The following LRCH4 variants were observed in gnomAD, a reference collection of about 807,000 sequenced individuals.
LRCH4 encodes the protein leucine-rich repeat and calponin homology domain-containing protein 4.
LRCH4 carries 56 observed loss-of-function variants against 81.2 expected under a neutral mutation model. The ratio of observed to expected loss-of-function variants is 0.69; its 90% CI spans 0.56 to 0.86. The LOEUF is 0.86. Among genes scored for constraint, LRCH4 ranks in the 40% least tolerant of loss-of-function variants. LRCH4 has a pLI of 0.00. For missense variants in LRCH4, 895 were observed against 922.8 expected, an observed-to-expected ratio of 0.97 and a Z score of 0.39; for synonymous variants, 442 against 409.7, an observed-to-expected ratio of 1.08 and a Z score of -0.95.
At position 100,575,391 on chromosome 7, in the gene LRCH4, G is replaced by T. The variant is rs759894520; in HGVS notation, c.1855-87C>A. The T allele has an allele frequency of 1.6e-6, 2 of 1,272,444 alleles. No homozygotes were observed. The highest frequency in any genetic ancestry group is 2.2e-6 in the Non-Finnish European group (2 of 916,900). 78.8% of individuals were successfully genotyped at this position (1,272,444 alleles called of 1,614,324 possible). A position where few individuals can be genotyped will look rare whatever the true frequency, so the allele number is the denominator to read the frequency against. ...CAGTCCCTCCCACCCCTGCCCTCAC[G>T]TGCTGGGGCCAGAACCACGCCCACA... is the stretch of plus-strand genomic sequence containing the variant. On this transcript the variant is annotated intron_variant, in intron 17 of 17. Coordinates refer to ENST00000310300, the MANE Select transcript of LRCH4 (RefSeq NM_002319.5). The surrounding 1 kb of genome is among the most constrained non-coding windows in gnomAD (Gnocchi z 5.3).
Position 100,575,363 on chromosome 7 carries a change from G to A in LRCH4, c.1855-59C>T, listed in dbSNP as rs1444845234. On this transcript the variant is annotated intron_variant, in intron 17 of 17. Transcript: ENST00000310300. The surrounding 1 kb of genome is among the most constrained non-coding windows in gnomAD (Gnocchi z 5.3). ...GGGACAGACGTCAGCAGCAGCAGCAGGACAGTCCCTCCCACCCCTGCCCTC... is the reference window on the plus strand; with the variant it reads ...GGGACAGACGTCAGCAGCAGCAGCAAGACAGTCCCTCCCACCCCTGCCCTC... 5.6e-6 allele frequency: 8 copies of A among 1,425,062 alleles called. No individual in the cohort carries two copies. Among genetic ancestry groups the A allele is most frequent in the Non-Finnish European group, 6.6e-6 (7 of 1,052,732 alleles). The allele number at this position is 1,425,062 out of a possible 1,614,324, so 88.3% of individuals were successfully genotyped here.
intron 4 of LRCH4, 153 bp downstream of exon 4, chr7:100,581,624 G>T: frequency 1.6e-6 from 1 of 640,434 alleles, no homozygotes; most frequent in Non-Finnish European, 2.7e-6. Context: ...GACCATGGAA[G>T]CACCCAGATC....
chr7:100,574,209 CG>C lies in LRCH4; in HGVS notation c.*897del. 1 of 172,634 alleles carries C rather than the reference CG, an allele frequency of 5.8e-6. No individual in the cohort carries two copies. The highest frequency in any genetic ancestry group is 1.3e-5 in the Non-Finnish European group (1 of 77,266). The allele number at this position is 172,634 out of a possible 1,614,324, so 10.7% of individuals were successfully genotyped here. ...GGAGCCCAGGCGCGTCTTCTGCTCC[CG>C]GGGTCCCGGGCGGGGTGGGCCCTGT... On this transcript the variant is annotated 3_prime_UTR_variant, in exon 18 of 18. Coordinates refer to ENST00000310300, the MANE Select transcript of LRCH4 (RefSeq NM_002319.5).
At chr7:100,580,404 T>TCACA (rs60848197) in intron 4 of LRCH4, 15,304 of 137,690 alleles carry the variant, frequency 0.11, 901 homozygotes, top group Non-Finnish European at 0.14. Context: ...CATACACACA[T>TCACA]CACACACACA....
chr7:100,581,976 C>T (rs1801573547), intron 3 of LRCH4, 65 bp downstream of exon 3: 2 of 1,603,950 alleles, frequency 1.2e-6, no homozygotes, highest in South Asian at 2.2e-5. Context: ...CCTCCCCAAC[C>T]TCCCCCTAGA....
intron 4 of LRCH4, chr7:100,579,234 G>C (rs1456064844): frequency 5.2e-6 from 1 of 192,388 alleles, no homozygotes; most frequent in African/African-American, 2.4e-5. Context: ...CCCCAGCACG[G>C]GCCCAGCACT....
chr7:100,576,256 T>G lies in LRCH4; in HGVS notation c.1620A>C (p.Leu540Phe). 6.2e-7 allele frequency: 1 copy of G among 1,614,060 alleles called. No homozygotes were observed. The highest frequency in any genetic ancestry group is 1.1e-5 in the South Asian group (1 of 91,072). ...TGCTCACCTGGCGCAGCTGAGTCAT[T>G]AAGTCCTTCTCATCTGGAACCTGGG... ...RYPQVPDEKD[L>F]MTQLRQVLES... Residue 540 changes from leucine to phenylalanine, a missense_variant, in exon 15 of 18, where the codon TTA becomes TTC. Leu to Phe is a conservative substitution (Grantham distance 22). Around this residue, in one of 3 missense-constraint regions of LRCH4, gnomAD observed 529 missense variants for 504.9 expected, o/e 1.05. Transcript: ENST00000310300.
chr7:100,576,977 CT>C lies in LRCH4; in HGVS notation c.1392del (p.Ala465GlnfsTer22), dbSNP rs1312003474. On this transcript the variant is annotated frameshift_variant, in exon 13 of 18. Coordinates refer to ENST00000310300, the MANE Select transcript of LRCH4 (RefSeq NM_002319.5). LOFTEE classifies it high-confidence loss of function. Reference sequence around the variant, plus strand: ...GCTCCCTGCCCCGCTGCAGCCCCTGCTTGGGAGGCACTGGACTTAGGCGAGC... The same window carrying C: ...GCTCCCTGCCCCGCTGCAGCCCCTGCTGGGAGGCACTGGACTTAGGCGAGC... ...HNGSPKSSAS[Q>X]AGAAAGQGAP... 6.2e-7 allele frequency: 1 copy of C among 1,603,782 alleles called. No homozygotes were observed. Among genetic ancestry groups the C allele is most frequent in the Non-Finnish European group, 8.5e-7 (1 of 1,172,944 alleles).
chr7:100,583,687 C>T lies in LRCH4; in HGVS notation c.221-1228G>A, dbSNP rs1484295689. Among the ~76,000 whole-genome samples, 3 of 152,222 alleles carry T rather than the reference C, an allele frequency of 2.0e-5. No individual in the cohort carries two copies. The highest frequency in any genetic ancestry group is 7.2e-5 in the African/African-American group (3 of 41,452). ...GCCTGATGCCCCGGGACCCCTTTCT[C>T]TTCCTCTCTGCCCAGCCCTGGTGCA... is the stretch of plus-strand genomic sequence containing the variant. On this transcript the variant is annotated intron_variant, in intron 1 of 17. Transcript: ENST00000310300. The surrounding 1 kb of genome is among the most constrained non-coding windows in gnomAD (Gnocchi z 4.3).
At position 100,577,486 on chromosome 7, in the gene LRCH4, G is replaced by T. The variant is rs1402887070; in HGVS notation, c.1178+11C>A. 7 of 1,607,748 alleles carry T rather than the reference G, an allele frequency of 4.4e-6. No individual in the cohort carries two copies. Among genetic ancestry groups the T allele is most frequent in the Non-Finnish European group, 5.1e-6 (6 of 1,179,934 alleles). On this transcript the variant is annotated intron_variant, in intron 10 of 17. Transcript: ENST00000310300. The surrounding 1 kb of genome is among the most constrained non-coding windows in gnomAD (Gnocchi z 6.7). Reference sequence around the variant, plus strand: ...ATCGGGCAGTGGCGTCAGTTTGGGGGCTTGGGGTACCTGCTGCTTGGTGCC... The same window carrying T: ...ATCGGGCAGTGGCGTCAGTTTGGGGTCTTGGGGTACCTGCTGCTTGGTGCC...
rs1291932195 is a variant in LRCH4, at chr7:100,578,346, G to T, written c.848+53C>A. 7 of 1,599,374 alleles carry T rather than the reference G, an allele frequency of 4.4e-6. No individual in the cohort carries two copies. In the Admixed American group the frequency reaches 1.0e-4, roughly 23 times the overall value. The stretch of plus-strand genomic sequence containing the variant: ...CAGAAAGCAGGGGGTGCCTGGGGCC[G>T]GGAAGGGGCATTCAGTATCCCAGGG... On this transcript the variant is annotated intron_variant, in intron 6 of 17. Transcript: ENST00000310300. The surrounding 1 kb of genome is among the most constrained non-coding windows in gnomAD (Gnocchi z 5.7).
chr7:100,582,321 T>C lies in LRCH4; in HGVS notation c.359A>G (p.Asn120Ser), dbSNP rs1314970598. ...LGNLTALTYL[N>S]LSRNQLSLLP... ...CCTGGCTCGGCCTCCCTACCTGAGG[T>C]TGAGGTAGGTGAGGGCTGTGAGATT... Residue 120 changes from asparagine to serine, a missense_variant, in exon 2 of 18, where the codon AAC becomes AGC. Physicochemically the swap from Asn to Ser is conservative, Grantham distance 46. Transcript: ENST00000310300. The surrounding 1 kb of genome is among the most constrained non-coding windows in gnomAD (Gnocchi z 5.0). The C allele has an allele frequency of 1.9e-6, 3 of 1,613,726 alleles. No individual in the cohort carries two copies. The highest frequency in any genetic ancestry group is 2.2e-5 in the East Asian group (1 of 44,864).
chr7:100,581,064 C>T (rs1173897287), intron 4 of LRCH4, among the ~76,000 whole-genome samples: 1 of 152,196 alleles, frequency 6.6e-6, no homozygotes, highest in Non-Finnish European at 1.5e-5. Context: ...GGAGGAGTGG[C>T]GGAGCATCCC....
rs748557159 is a variant in LRCH4, at chr7:100,576,314, G to A, written c.1562C>T (p.Ser521Leu). The A allele has an allele frequency of 1.9e-6, 3 of 1,613,786 alleles. No individual in the cohort carries two copies. Among genetic ancestry groups the A allele is most frequent in the Admixed American group, 1.7e-5 (1 of 59,990 alleles). ...CCGAGGTCTCAGGACAGAGTCTGGT[G>A]AGGAAGGGCCTAGGAGAAAAAGGGG... ...SSSQSGSGPS[S>L]PDSVLRPRRY... The change falls in exon 15 of 18, where the codon TCA (serine) becomes TTA (leucine). Residue 521 changes from serine (S) to leucine (L), a missense_variant. By Grantham distance (145) the Ser-to-Leu change is moderately radical. Coordinates refer to ENST00000310300, the MANE Select transcript of LRCH4 (RefSeq NM_002319.5).
At position 100,581,981 on chromosome 7, in the gene LRCH4, C is replaced by A. The variant is rs1801573691; in HGVS notation, c.492+60G>T. The A allele has an allele frequency of 3.1e-6, 5 of 1,602,148 alleles. No individual in the cohort carries two copies. The African/African-American group carries it at 4.0e-5, about 13-fold the overall frequency. ...TGCTCCAGGCCCTCCCCAACCTCCC[C>A]CTAGAAGGTCCCGCTGCCTGGCTCA... On this transcript the variant is annotated intron_variant, in intron 3 of 17. Transcript: ENST00000310300.
At position 100,582,209 on chromosome 7, in the gene LRCH4, G is replaced by T; in HGVS notation, c.366-42C>A. Reference sequence around the variant, plus strand: ...GGCAGCGGACTGGCTCCCCAGGCATGGCATCCCAGCACTGCCATCCTCTCG... The same window carrying T: ...GGCAGCGGACTGGCTCCCCAGGCATTGCATCCCAGCACTGCCATCCTCTCG... On this transcript the variant is annotated intron_variant, in intron 2 of 17. Coordinates refer to ENST00000310300, the MANE Select transcript of LRCH4 (RefSeq NM_002319.5). The surrounding 1 kb of genome is among the most constrained non-coding windows in gnomAD (Gnocchi z 5.0). 4 of 1,613,374 alleles carry T rather than the reference G, an allele frequency of 2.5e-6. No individual in the cohort carries two copies. The highest frequency in any genetic ancestry group is 1.1e-5 in the South Asian group (1 of 91,034).
At position 100,582,539 on chromosome 7, in the gene LRCH4, C is replaced by G. The variant is rs1470932441; in HGVS notation, c.221-80G>C. Reference sequence around the variant, plus strand: ...CCTTCAGTCCCCCCAGAGCCGGCTGCCCACTCCCTCACCTCCACACCTAAA... The same window carrying G: ...CCTTCAGTCCCCCCAGAGCCGGCTGGCCACTCCCTCACCTCCACACCTAAA... On this transcript the variant is annotated intron_variant, in intron 1 of 17. Transcript: ENST00000310300. This position sits in a 1 kb window ranked among gnomAD's most constrained non-coding sequence, Gnocchi z 5.0. 2.1e-6 allele frequency: 3 copies of G among 1,407,130 alleles called. No individual in the cohort carries two copies. Among genetic ancestry groups the G allele is most frequent in the Non-Finnish European group, 2.9e-6 (3 of 1,031,022 alleles). The allele number at this position is 1,407,130 out of a possible 1,614,324, so 87.2% of individuals were successfully genotyped here. A position where few individuals can be genotyped will look rare whatever the true frequency, so the allele number is the denominator to read the frequency against.
Position 100,578,113 on chromosome 7 carries a change from T to C in LRCH4, c.948+46A>G. On this transcript the variant is annotated intron_variant, in intron 7 of 17. Coordinates refer to ENST00000310300, the MANE Select transcript of LRCH4 (RefSeq NM_002319.5). This position sits in a 1 kb window ranked among gnomAD's most constrained non-coding sequence, Gnocchi z 5.7. ...GGAGGTCCCCAGTTCAGAGGTGCTC[T>C]CCCAGGGCTGACACCCTCAATCACC... is the stretch of plus-strand genomic sequence containing the variant. 1 of 1,583,304 alleles carries C rather than the reference T, an allele frequency of 6.3e-7. No homozygotes were observed. The highest frequency in any genetic ancestry group is 8.7e-7 in the Non-Finnish European group (1 of 1,152,302).
chr7:100,576,641 GC>G, intron 14 of LRCH4, 52 bp downstream of exon 14: 1 of 1,453,644 alleles, frequency 6.9e-7, no homozygotes, highest in South Asian at 1.2e-5. Context: ...GGGTGATGTA[GC>G]CGTTGGTGCT....
Sources: gnomAD v4.1 joint callset for allele counts (sites outside exome capture counted in the v4.1 genomes callset) on GRCh38, gnomAD v4.1.1 for gene constraint, gnomAD v4.1.1 regional missense constraint, Gnocchi (gnomAD v3.1) non-coding constraint, MANE v1.5 for transcripts, NCBI Gene and HGNC (gene_info 2026-07-23, HGNC 2026-07-21) for gene names.